The following MIPEP variants were observed in gnomAD, a reference collection of about 807,000 sequenced individuals.
The protein encoded by MIPEP is mitochondrial intermediate peptidase.
A neutral mutation model predicts 90.3 loss-of-function variants in MIPEP; 79 were observed. That is an observed-to-expected ratio of 0.87 (90% CI 0.73 to 1.05). The LOEUF is 1.05. MIPEP is among the 50% of genes least tolerant of loss of function. The probability of loss-of-function intolerance (pLI) is 0.00; values close to 1 mark genes in which losing one functional copy is unlikely to be tolerated. For missense variants in MIPEP, 940 were observed against 905.6 expected (o/e 1.04, Z -0.49); for synonymous variants, 334 against 315.8 (o/e 1.06, Z -0.61).
chr13:23,774,784 CTTTTTTTTTTTT>C (rs67628137), intron 16 of MIPEP, among the ~76,000 whole-genome samples: 5 of 68,292 alleles, frequency 7.3e-5, no homozygotes, highest in South Asian at 1.4e-3. Context: ...TTTATCAGTT[CTTTTTTTTTTTT>C]TTTTTTTTTT....
intron 10 of MIPEP, among the ~76,000 whole-genome samples, chr13:23,849,951 T>C (rs934533379): frequency 2.0e-5 from 3 of 152,218 alleles, no homozygotes; most frequent in African/African-American, 7.2e-5. Flanking sequence ...CACAATCAAG[T>C]ACAGTCAGAG....
intron 16 of MIPEP, among the ~76,000 whole-genome samples, chr13:23,780,141 C>T (rs1219050038): frequency 1.3e-5 from 2 of 152,198 alleles, no homozygotes; most frequent in African/African-American, 4.8e-5. Context: ...GATCTGAGAA[C>T]GGACAGACTG....
intron 15 of MIPEP, among the ~76,000 whole-genome samples, chr13:23,806,549 G>T (rs958657464): frequency 2.0e-5 from 3 of 151,966 alleles, no homozygotes; most frequent in Non-Finnish European, 4.4e-5. Context: ...GTGGTGGCAG[G>T]CACCTCTAGT....
intron 16 of MIPEP, among the ~76,000 whole-genome samples, chr13:23,805,046 G>A (rs867106588): frequency 1.3e-5 from 2 of 152,108 alleles, no homozygotes; most frequent in Non-Finnish European, 2.9e-5. Flanking sequence ...CGACATTGTG[G>A]GAGACCTAAA....
At chr13:23,738,319 A>AT (rs1195447048) in intron 18 of MIPEP, among the ~76,000 whole-genome samples, 13 of 151,806 alleles carry the variant, frequency 8.6e-5, no homozygotes, top group South Asian at 4.2e-4. Context: ...TTTCTTGGTG[A>AT]TTTTTTTTAG....
intron 16 of MIPEP, among the ~76,000 whole-genome samples, chr13:23,772,106 A>G (rs1952658647): frequency 6.6e-6 from 1 of 152,214 alleles, no homozygotes; most frequent in South Asian, 2.1e-4. Context: ...ATTCTAAAGG[A>G]TAGCCCAGGG....
At position 23,868,224 on chromosome 13, in the gene MIPEP, A is replaced by G. The variant is rs533306974; in HGVS notation, c.943+1068T>C. ...GGGTTTTGAGCTGAGCACTAAAAAA[A>G]CGGGGTAAGATTTTAACAGGCAGAC... On this transcript the variant is annotated intron_variant, in intron 7 of 18. Transcript: ENST00000382172. Among the ~76,000 whole-genome samples the G allele has an allele frequency of 9.9e-5, 15 of 152,278 alleles. No individual in the cohort carries two copies. In the South Asian group the frequency reaches 1.0e-3, roughly 11 times the overall value.
At position 23,760,173 on chromosome 13, in the gene MIPEP, T is replaced by G; in HGVS notation, c.1893A>C (p.Arg631Ser). ...RFSHLVGYGA[R>S]YYSYLMSRAV... ...CTCTGGACATGAGGTAAGAGTAATA[T>G]CTAGCACCATACCCCACGAGGTGGC... The change falls in exon 17 of 19, where the codon AGA becomes AGC. Residue 631 changes from arginine to serine, a missense_variant. By Grantham distance (110) the Arg-to-Ser change is moderately radical (BLOSUM62 -1). Transcript: ENST00000382172. The G allele has an allele frequency of 6.2e-7, 1 of 1,614,010 alleles. No individual in the cohort carries two copies. The highest frequency in any genetic ancestry group is 1.1e-5 in the South Asian group (1 of 91,074).
intron 18 of MIPEP, among the ~76,000 whole-genome samples, chr13:23,735,460 G>T (rs539967645): frequency 7.2e-5 from 11 of 152,284 alleles, no homozygotes; most frequent in African/African-American, 2.4e-4. Context: ...CATTTATTCA[G>T]AGCCAAGCTA....
chr13:23,764,743 G>A (rs919396145), intron 16 of MIPEP, among the ~76,000 whole-genome samples: 2 of 152,052 alleles, frequency 1.3e-5, no homozygotes, highest in Non-Finnish European at 2.9e-5. Context: ...AAAAATTTTT[G>A]TAGAGATGAG....
At chr13:23,849,981 G>A (rs1869731453) in intron 10 of MIPEP, among the ~76,000 whole-genome samples, 1 of 152,214 alleles carries the variant, frequency 6.6e-6, no homozygotes, top group Non-Finnish European at 1.5e-5. Flanking sequence ...TGAAACACAG[G>A]TAAACACAGC....
intron 12 of MIPEP, among the ~76,000 whole-genome samples, chr13:23,839,401 T>C (rs948546299): frequency 5.9e-5 from 9 of 152,218 alleles, no homozygotes; most frequent in African/African-American, 2.2e-4. Flanking sequence ...ATTCATAAAA[T>C]GTCAGTTGTC....
chr13:23,769,376 A>C (rs1208064980), intron 16 of MIPEP, among the ~76,000 whole-genome samples: 2 of 152,192 alleles, frequency 1.3e-5, no homozygotes, highest in African/African-American at 2.4e-5. Context: ...GTGTGTCTGC[A>C]TAGGATCAGG....
At chr13:23,743,102 A>G (rs1398891242) in intron 18 of MIPEP, among the ~76,000 whole-genome samples, 1 of 152,212 alleles carries the variant, frequency 6.6e-6, no homozygotes, top group African/African-American at 2.4e-5. Flanking sequence ...CAAAAAGCAG[A>G]TTATCTAAAC....
intron 18 of MIPEP, among the ~76,000 whole-genome samples, chr13:23,731,404 T>C (rs896094148): frequency 1.2e-4 from 18 of 152,128 alleles, no homozygotes; most frequent in African/African-American, 4.1e-4. Context: ...AGTCACAACA[T>C]GAAGAGTGAG....
intron 18 of MIPEP, among the ~76,000 whole-genome samples, chr13:23,740,598 T>C (rs1353792386): frequency 1.3e-5 from 2 of 152,230 alleles, no homozygotes; most frequent in African/African-American, 2.4e-5. Context: ...AGACCAACTC[T>C]GTAGACCCAG....
rs146475012 is a variant in MIPEP at position 23,831,914 on chromosome 13, T to C, written c.1653+4326A>G. ...ATGCTGGGTATAGGGGTTTAGACTG[T>C]CTTCTTTCCTTGAATCTAAGAACCC... On this transcript the variant is annotated intron_variant, in intron 14 of 18. Coordinates refer to ENST00000382172, the MANE Select transcript of MIPEP (RefSeq NM_005932.4). Among the ~76,000 whole-genome samples the C allele has an allele frequency of 8.7e-3, 1,325 of 152,274 alleles. 17 individuals carry two copies. The highest frequency in any genetic ancestry group is 0.031 in the African/African-American group (1,281 of 41,546).
chr13:23,740,890 G>A (rs766560205), intron 18 of MIPEP, among the ~76,000 whole-genome samples: 1 of 152,182 alleles, frequency 6.6e-6, no homozygotes, highest in Non-Finnish European at 1.5e-5. Flanking sequence ...TGTGGAGTCG[G>A]GGAAGGAAGT....
At chr13:23,776,196 C>A (rs1267420780) in intron 16 of MIPEP, among the ~76,000 whole-genome samples, 2 of 152,074 alleles carry the variant, frequency 1.3e-5, no homozygotes, top group Non-Finnish European at 2.9e-5. Context: ...CCTCCCTATT[C>A]CCTCCCCAGT....
Sources: gnomAD v4.1 joint callset for allele counts (sites outside exome capture counted in the v4.1 genomes callset) on GRCh38, gnomAD v4.1.1 for gene constraint, MANE v1.5 for transcripts, NCBI Gene and HGNC (gene_info 2026-07-23, HGNC 2026-07-21) for gene names.